Variants in WFS1 observed in about 807,000 individuals in gnomAD.
WFS1 encodes the protein wolframin ER transmembrane glycoprotein, also known as wolframin.
A neutral mutation model predicts 68.5 loss-of-function variants in WFS1; 90 were observed. The observed-to-expected ratio is 1.31, with a 90% CI of 1.11 to 1.56. The LOEUF (loss-of-function observed/expected upper bound fraction) is 1.56. WFS1 is among the 40% of genes most tolerant of loss of function. The probability of loss-of-function intolerance (pLI) is 0.00; values close to 1 mark genes in which losing one functional copy is unlikely to be tolerated. For missense variants in WFS1, 1,767 were observed against 1,232.6 expected, an observed-to-expected ratio of 1.43 and a Z score of -6.49; for synonymous variants, 860 against 540.7, an observed-to-expected ratio of 1.59 and a Z score of -8.19.
chr4:6,276,432 G>C (rs572949009), intron 1 of WFS1, among the ~76,000 whole-genome samples: 1 of 152,266 alleles, frequency 6.6e-6, no homozygotes, highest in South Asian at 2.1e-4. Flanking sequence ...GCTCACTCTA[G>C]TCTCTTCTGA....
At chr4:6,275,270 A>G (rs903161060) in intron 1 of WFS1, among the ~76,000 whole-genome samples, 1 of 152,210 alleles carries the variant, frequency 6.6e-6, no homozygotes, top group Non-Finnish European at 1.5e-5. Flanking sequence ...GAGAAGGTAG[A>G]CAAGGCCACG....
intron 5 of WFS1, 22 bp downstream of exon 5, chr4:6,291,389 ACCAGCCTTCCCTGGGCG>A (rs768793669): frequency 1.2e-5 from 19 of 1,609,944 alleles, no homozygotes; most frequent in African/African-American, 5.3e-5. Flanking sequence ...CACCCTGGGC[ACCAGCCTTCCCTGGGCG>A]CCAGCCTTCC....
intron 3 of WFS1, 29 bp from the exon 4 acceptor site, chr4:6,288,958 C>G: frequency 6.2e-7 from 1 of 1,603,326 alleles, no homozygotes; most frequent in Non-Finnish European, 8.5e-7. Flanking sequence ...GTCGGAGAAT[C>G]TGGAGGCTGA....
chr4:6,295,152 C>G lies in WFS1; in HGVS notation c.824C>G (p.Ala275Gly), dbSNP rs769151204. The change falls in exon 7 of 8, where the codon GCG becomes GGG. Residue 275 changes from alanine to glycine, a missense_variant. Physicochemically the swap from Ala to Gly is moderately conservative, Grantham distance 60. Coordinates refer to ENST00000226760, the MANE Select transcript of WFS1 (RefSeq NM_006005.3). ...LQDDEDDDEL[A>G]GKSPEDLPLR... ...GACGACGAAGATGATGACGAGCTGGCGGGGAAGAGCCCTGAGGACCTGCCA... is the reference window on the plus strand; with the variant it reads ...GACGACGAAGATGATGACGAGCTGGGGGGGAAGAGCCCTGAGGACCTGCCA... 9.9e-6 allele frequency: 16 copies of G among 1,612,308 alleles called. No homozygotes were observed. The African/African-American group carries it at 2.1e-4, about 22-fold the overall frequency.
At chr4:6,274,281 TTG>T (rs1034066656) in intron 1 of WFS1, among the ~76,000 whole-genome samples, 59 of 152,154 alleles carry the variant, frequency 3.9e-4, no homozygotes, top group African/African-American at 1.2e-3. Flanking sequence ...TCTCCTGACC[TTG>T]TGATCTGCCC....
rs1166479776 is a variant in WFS1, at chr4:6,270,213, C to A, written c.-6+199C>A. Among the ~76,000 whole-genome samples the A allele has an allele frequency of 3.3e-5, 5 of 152,042 alleles. No individual in the cohort carries two copies. In the South Asian group the frequency reaches 8.3e-4, roughly 25 times the overall value. On this transcript the variant is annotated intron_variant, in intron 1 of 7. Coordinates refer to ENST00000226760, the MANE Select transcript of WFS1 (RefSeq NM_006005.3). ...CCCGCTCTGCAACGCGCAAGGCGAC[C>A]CCTGTTCCGGGCCCGAACGGGTCAC...
In WFS1 at chr4:6,301,246, T is replaced by C. The variant is rs755102054; in HGVS notation, c.1451T>C (p.Leu484Pro). 1 of 1,611,580 alleles carries C rather than the reference T, an allele frequency of 6.2e-7. No individual in the cohort carries two copies. Among genetic ancestry groups the C allele is most frequent in the African/African-American group, 1.3e-5 (1 of 75,066 alleles). Reference protein sequence around the residue: ...MPLNWPYLKVLGQTFITVPVG... With the variant: ...MPLNWPYLKVPGQTFITVPVG... ...TTGAATTGGCCCTACCTGAAGGTCC[T>C]TGGCCAGACCTTCATCACCGTGCCT... Residue 484 changes from leucine to proline, a missense_variant, in exon 8 of 8, where the codon CTT (leucine) becomes CCT (proline). Transcript: ENST00000226760.
intron 7 of WFS1, among the ~76,000 whole-genome samples, chr4:6,299,069 G>A (rs925804800): frequency 6.6e-6 from 1 of 152,260 alleles, no homozygotes; most frequent in Non-Finnish European, 1.5e-5. Context: ...CACAGAACCT[G>A]CTTTGTATGC....
At chr4:6,276,020 G>A (rs1037210343) in intron 1 of WFS1, among the ~76,000 whole-genome samples, 2 of 152,218 alleles carry the variant, frequency 1.3e-5, no homozygotes, top group African/African-American at 4.8e-5. Flanking sequence ...ACAGCTGGTG[G>A]GCACAGAGCC....
At position 6,301,382 on chromosome 4, in the gene WFS1, C is replaced by G. The variant is rs750717022; in HGVS notation, c.1587C>G (p.Cys529Trp). 2.5e-6 allele frequency: 4 copies of G among 1,612,578 alleles called. No individual in the cohort carries two copies. Among genetic ancestry groups the G allele is most frequent in the Admixed American group, 1.7e-5 (1 of 60,032 alleles). Reference protein sequence around the residue: ...AQLRNFKGTYCYLVPYLVCFM... With the variant: ...AQLRNFKGTYWYLVPYLVCFM... ...TGAGGAATTTCAAGGGCACCTACTG[C>G]TACCTTGTGCCCTACCTGGTGTGCT... The change falls in exon 8 of 8, where the codon TGC (cysteine) becomes TGG (tryptophan). Residue 529 changes from cysteine (C) to tryptophan (W), a missense_variant. Cys to Trp is a radical substitution (Grantham distance 215, BLOSUM62 -2). Transcript: ENST00000226760.
At position 6,301,476 on chromosome 4, in the gene WFS1, A is replaced by G. The variant is rs766673431; in HGVS notation, c.1681A>G (p.Ile561Val). 2.2e-5 allele frequency: 36 copies of G among 1,612,894 alleles called. No homozygotes were observed. In the East Asian group the frequency reaches 4.2e-4, roughly 19 times the overall value. ...STGLGLLRAS[I>V]GYFLFLFALP... ...CGGCCTGGGGCTGCTCCGCGCCTCCATCGGCTACTTCCTCTTCCTCTTTGC... is the reference window on the plus strand; with the variant it reads ...CGGCCTGGGGCTGCTCCGCGCCTCCGTCGGCTACTTCCTCTTCCTCTTTGC... Residue 561 changes from isoleucine to valine, a missense_variant, in exon 8 of 8, where the codon ATC (isoleucine) becomes GTC (valine). Coordinates refer to ENST00000226760, the MANE Select transcript of WFS1 (RefSeq NM_006005.3).
At chr4:6,278,790 C>T (rs1730070470) in intron 2 of WFS1, among the ~76,000 whole-genome samples, 1 of 152,240 alleles carries the variant, frequency 6.6e-6, no homozygotes, top group South Asian at 2.1e-4. Flanking sequence ...GATCACTGTG[C>T]TCCTCTGCTT....
intron 1 of WFS1, among the ~76,000 whole-genome samples, chr4:6,275,773 G>T (rs898132032): frequency 4.6e-5 from 7 of 152,178 alleles, no homozygotes; most frequent in African/African-American, 1.7e-4. Context: ...AAATTGTTGT[G>T]TGTGGAGCCT....
At chr4:6,296,058 ACTGAGAAC>A (rs1730630953) in intron 7 of WFS1, among the ~76,000 whole-genome samples, 1 of 152,168 alleles carries the variant, frequency 6.6e-6, no homozygotes, top group South Asian at 2.1e-4. Flanking sequence ...TTCTGAACTG[ACTGAGAAC>A]CTGGAGGAAC....
chr4:6,282,460 C>T (rs1314379732), intron 2 of WFS1, among the ~76,000 whole-genome samples: 3 of 152,224 alleles, frequency 2.0e-5, no homozygotes, highest in Non-Finnish European at 4.4e-5. Context: ...CAAGGGCTTG[C>T]CCAGGACCAG....
rs1352639406 is a variant in WFS1 at position 6,301,460 on chromosome 4, G to A, written c.1665G>A (p.Gly555=). 1 of 1,612,518 alleles carries A rather than the reference G, an allele frequency of 6.2e-7. No homozygotes were observed. The highest frequency in any genetic ancestry group is 1.3e-5 in the African/African-American group (1 of 74,946). ...TCCTGCTGGAGTCCACCGGCCTGGGGCTGCTCCGCGCCTCCATCGGCTACT... is the reference window on the plus strand; with the variant it reads ...TCCTGCTGGAGTCCACCGGCCTGGGACTGCTCCGCGCCTCCATCGGCTACT... ...VVILLESTGL[G]LLRASIGYFL... is the part of the protein sequence containing the mutation. Residue 555 remains glycine, a synonymous_variant, in exon 8 of 8, where the codon GGG becomes GGA. Transcript: ENST00000226760.
rs775342800 is a variant in WFS1 at position 6,277,568 on chromosome 4, G to A, written c.113G>A (p.Ser38Asn). ...NATASLEQER[S>N]ERPRAPGPQA... is the part of the protein sequence containing the mutation. Reference sequence around the variant, plus strand: ...ACAGCCTCGTTGGAGCAGGAGAGGAGCGAAAGGCCCCGAGCACCCGGACCC... The same window carrying A: ...ACAGCCTCGTTGGAGCAGGAGAGGAACGAAAGGCCCCGAGCACCCGGACCC... Residue 38 changes from serine to asparagine, a missense_variant, in exon 2 of 8, where the codon AGC becomes AAC. Ser to Asn is a conservative substitution (Grantham distance 46). Transcript: ENST00000226760. 1 of 1,588,540 alleles carries A rather than the reference G, an allele frequency of 6.3e-7. No individual in the cohort carries two copies. The highest frequency in any genetic ancestry group is 1.8e-5 in the Admixed American group (1 of 56,534).
rs1162093002 is a variant in WFS1 at position 6,300,985 on chromosome 4, T to G, written c.1190T>G (p.Phe397Cys). ...GATGTGGAGCAGGCCGAGGTCAACT[T>G]CGGCTGGAACCACCTGGAGCCCTAT... ...NLDVEQAEVN[F>C]GWNHLEPYAH... The change falls in exon 8 of 8, where the codon TTC (phenylalanine) becomes TGC (cysteine). Residue 397 changes from phenylalanine (F) to cysteine (C), a missense_variant. Coordinates refer to ENST00000226760, the MANE Select transcript of WFS1 (RefSeq NM_006005.3). 2 of 1,613,808 alleles carry G rather than the reference T, an allele frequency of 1.2e-6. No homozygotes were observed. The highest frequency in any genetic ancestry group is 1.3e-5 in the African/African-American group (1 of 74,874).
In WFS1 at chr4:6,288,692, T is replaced by C. The variant is rs545204182; in HGVS notation, c.316-295T>C. On this transcript the variant is annotated intron_variant, in intron 3 of 7. Transcript: ENST00000226760. ...GATTTCCATGCATTGATGGTGAGCC[T>C]TGGCAGGCAGGAGCAACTCAAGGAA... 14 of 461,274 alleles carry C rather than the reference T, an allele frequency of 3.0e-5. 1 individual carries two copies. Among genetic ancestry groups the C allele is most frequent in the African/African-American group, 2.6e-4 (13 of 50,700 alleles). The allele number at this position is 461,274 out of a possible 1,614,324, so 28.6% of individuals were successfully genotyped here. A position where few individuals can be genotyped will look rare whatever the true frequency, so the allele number is the denominator to read the frequency against.
Sources: allele counts gnomAD v4.1 joint callset (sites outside exome capture counted in the v4.1 genomes callset), GRCh38; gene constraint gnomAD v4.1.1; transcripts MANE v1.5; gene names NCBI Gene and HGNC (gene_info 2026-07-23, HGNC 2026-07-21).